SMYD3: variants seen among roughly 807,000 people sequenced by gnomAD.
The protein encoded by SMYD3 is histone-lysine N-methyltransferase SMYD3.
A neutral mutation model predicts 57.7 loss-of-function variants in SMYD3; 36 were observed. The observed-to-expected ratio is 0.62, with a 90% CI of 0.48 to 0.82. The LOEUF (loss-of-function observed/expected upper bound fraction) is 0.82. SMYD3 is among the 40% of genes least tolerant of loss of function. SMYD3 has a pLI of 0.00. For missense variants in SMYD3, 515 were observed against 538.8 expected (o/e 0.96, Z 0.44); for synonymous variants, 211 against 195.0 (o/e 1.08, Z -0.68).
At chr1:246,401,149 C>T (rs1007170231) in intron 1 of SMYD3, among the ~76,000 whole-genome samples, 6 of 152,116 alleles carry the variant, frequency 3.9e-5, no homozygotes, top group Non-Finnish European at 7.4e-5. Flanking sequence ...AATAAAATTT[C>T]TAGGTAACCA....
chr1:246,352,157 A>AAAAC lies in SMYD3; in HGVS notation c.228+2873_228+2874insGTTT, dbSNP rs1370720736. Among the ~76,000 whole-genome samples, 4 of 150,294 alleles carry AAAAC rather than the reference A, an allele frequency of 2.7e-5. No homozygotes were observed. In the East Asian group the frequency reaches 7.8e-4, roughly 29 times the overall value. On this transcript the variant is annotated intron_variant, in intron 2 of 11. Transcript: ENST00000490107. ...GTCTCAAAAAAAAAAAAAAAAAAAA[A>AAAAC]AAAAAACATAAAGAAAGAAATGTGA...
intron 5 of SMYD3, among the ~76,000 whole-genome samples, chr1:246,100,082 A>G (rs2060982400): frequency 6.6e-6 from 1 of 152,206 alleles, no homozygotes; most frequent in Non-Finnish European, 1.5e-5. Context: ...ATGATGGCTC[A>G]TGCTGGTAGT....
intron 10 of SMYD3, among the ~76,000 whole-genome samples, chr1:245,850,217 C>G (rs999508983): frequency 1.3e-5 from 2 of 152,202 alleles, no homozygotes; most frequent in Non-Finnish European, 2.9e-5. Flanking sequence ...CTCCACCCCA[C>G]ACGGTCCTGG....
At chr1:246,244,838 A>T (rs2063674507) in intron 5 of SMYD3, among the ~76,000 whole-genome samples, 1 of 152,126 alleles carries the variant, frequency 6.6e-6, no homozygotes, top group Non-Finnish European at 1.5e-5. Flanking sequence ...GTATATAAAA[A>T]TTTTTCCACT....
intron 4 of SMYD3, among the ~76,000 whole-genome samples, chr1:246,328,863 CCA>C (rs1479349163): frequency 6.6e-6 from 1 of 151,770 alleles, no homozygotes; most frequent in East Asian, 1.9e-4. Context: ...ACAACAGTCC[CCA>C]GAGTGTGCTG....
At chr1:246,139,516 C>G (rs1302311117) in intron 5 of SMYD3, among the ~76,000 whole-genome samples, 1 of 152,200 alleles carries the variant, frequency 6.6e-6, no homozygotes, top group Admixed American at 6.5e-5. Flanking sequence ...CTCTTTTTCT[C>G]TTTTTCTAGT....
chr1:246,502,696 G>A (rs921637437), intron 1 of SMYD3, among the ~76,000 whole-genome samples: 24 of 152,118 alleles, frequency 1.6e-4, no homozygotes, highest in African/African-American at 5.3e-4. Context: ...AGAAGACCTT[G>A]GATCTGTGTT....
At chr1:245,990,566 C>T (rs1348905549) in intron 5 of SMYD3, among the ~76,000 whole-genome samples, 2 of 152,186 alleles carry the variant, frequency 1.3e-5, no homozygotes. Context: ...TATTCATACT[C>T]CAACACCTGA....
intron 5 of SMYD3, among the ~76,000 whole-genome samples, chr1:246,156,548 A>G (rs1299339519): frequency 6.6e-6 from 1 of 152,234 alleles, no homozygotes; most frequent in Non-Finnish European, 1.5e-5. Flanking sequence ...TGGTTCCTTC[A>G]ATAAACATTA....
At chr1:246,257,452 G>C (rs1324717128) in intron 5 of SMYD3, among the ~76,000 whole-genome samples, 1 of 152,090 alleles carries the variant, frequency 6.6e-6, no homozygotes, top group Admixed American at 6.6e-5. Context: ...TGTTTTATCT[G>C]ATGTAAGAAT....
intron 8 of SMYD3, among the ~76,000 whole-genome samples, chr1:245,898,743 T>G (rs2148608251): frequency 6.6e-6 from 1 of 152,266 alleles, no homozygotes; most frequent in Non-Finnish European, 1.5e-5. Flanking sequence ...AAAGAAAAAT[T>G]GACATGGCAA....
At chr1:245,929,993 G>A (rs2056615929) in intron 5 of SMYD3, 56 bp from the exon 6 acceptor site, 18 of 1,488,854 alleles carry the variant, frequency 1.2e-5, no homozygotes, top group Non-Finnish European at 1.6e-5. Context: ...AAACTTCATA[G>A]CCAAGAGAAT....
At chr1:246,022,965 T>C (rs948667655) in intron 5 of SMYD3, among the ~76,000 whole-genome samples, 3 of 152,226 alleles carry the variant, frequency 2.0e-5, no homozygotes, top group Non-Finnish European at 4.4e-5. Flanking sequence ...GGATATAGGA[T>C]GCAATTTAGA....
intron 8 of SMYD3, among the ~76,000 whole-genome samples, chr1:245,908,068 G>A (rs2054700313): frequency 6.6e-6 from 1 of 152,066 alleles, no homozygotes; most frequent in African/African-American, 2.4e-5. Context: ...CCAGGGAGTT[G>A]GAGGTTGCAG....
chr1:246,253,848 C>T (rs2063834704), intron 5 of SMYD3, among the ~76,000 whole-genome samples: 1 of 152,128 alleles, frequency 6.6e-6, no homozygotes, highest in Non-Finnish European at 1.5e-5. Flanking sequence ...TATTTGTTCT[C>T]TTTTGGATAT....
At position 246,255,772 on chromosome 1, in the gene SMYD3, A is replaced by AT. The variant is rs34095220; in HGVS notation, c.531+71428dup. Among the ~76,000 whole-genome samples, 881 of 135,686 alleles carry AT rather than the reference A, an allele frequency of 6.5e-3. 4 individuals are homozygous for AT. The highest frequency in any genetic ancestry group is 0.01 in the Non-Finnish European group (640 of 63,866). The allele number at this position is 135,686 out of a possible 152,430, so 89.0% of individuals were successfully genotyped here. A position where few individuals can be genotyped will look rare whatever the true frequency, so the allele number is the denominator to read the frequency against. On this transcript the variant is annotated intron_variant, in intron 5 of 11. Coordinates refer to ENST00000490107, the MANE Select transcript of SMYD3 (RefSeq NM_001167740.2). ...GGCAGCGAATCCATTTGTCTGGGGCATTTTTTTTTTTTTTTTCTAGTTGGT... is the reference window on the plus strand; with the variant it reads ...GGCAGCGAATCCATTTGTCTGGGGCATTTTTTTTTTTTTTTTTCTAGTTGGT...
At chr1:245,856,840 A>C (rs2051266800) in intron 10 of SMYD3, among the ~76,000 whole-genome samples, 2 of 152,118 alleles carry the variant, frequency 1.3e-5, no homozygotes, top group Non-Finnish European at 2.9e-5. Flanking sequence ...CTGGAGAAAG[A>C]AGGGTATTTT....
At chr1:246,208,405 T>G (rs559113985) in intron 5 of SMYD3, among the ~76,000 whole-genome samples, 1 of 152,194 alleles carries the variant, frequency 6.6e-6, no homozygotes, top group South Asian at 2.1e-4. Context: ...TCACTAACAC[T>G]TCATGATAAT....
At chr1:245,917,671 C>A (rs1196189078) in intron 7 of SMYD3, among the ~76,000 whole-genome samples, 1 of 152,208 alleles carries the variant, frequency 6.6e-6, no homozygotes, top group Non-Finnish European at 1.5e-5. Context: ...TTAAGAGTAA[C>A]AACCCAATTC....
Sources: allele counts gnomAD v4.1 joint callset (sites outside exome capture counted in the v4.1 genomes callset), GRCh38; gene constraint gnomAD v4.1.1; transcripts MANE v1.5; gene names NCBI Gene and HGNC (gene_info 2026-07-23, HGNC 2026-07-21).